Variants in SMYD3 observed in about 807,000 individuals in gnomAD.
SMYD3 encodes the protein histone-lysine N-methyltransferase SMYD3.
SMYD3 carries 36 observed loss-of-function variants against 57.7 expected under a neutral mutation model. The ratio of observed to expected loss-of-function variants is 0.62; its 90% confidence interval spans 0.48 to 0.82. SMYD3 has a LOEUF of 0.82. Among genes scored for constraint, SMYD3 ranks in the 40% least tolerant of loss-of-function variants. The pLI, the probability that SMYD3 is intolerant of heterozygous loss-of-function variation, is 0.00. For synonymous variants in SMYD3, 211 were observed against 195.0 expected (o/e 1.08, Z -0.68); for missense variants, 515 against 538.8 (o/e 0.96, Z 0.44).
chr1:245,972,093 A>G (rs2058316799), intron 5 of SMYD3, among the ~76,000 whole-genome samples: 1 of 152,234 alleles, frequency 6.6e-6, no homozygotes, highest in African/African-American at 2.4e-5. Context: ...TATTCTGACA[A>G]CAGACCATGC....
chr1:246,109,994 T>C (rs1286561900), intron 5 of SMYD3: 1 of 152,244 alleles, frequency 6.6e-6, no homozygotes, highest in Admixed American at 6.5e-5. Flanking sequence ...GCAGTGCTAA[T>C]ACTGGTTAAA....
intron 5 of SMYD3, among the ~76,000 whole-genome samples, chr1:246,225,617 A>G (rs1382250765): frequency 1.3e-5 from 2 of 152,032 alleles, no homozygotes; most frequent in African/African-American, 2.4e-5. Context: ...GAAGTTACGG[A>G]AAGACAGTGT....
At chr1:246,031,602 T>A (rs1459370267) in intron 5 of SMYD3, among the ~76,000 whole-genome samples, 1 of 152,034 alleles carries the variant, frequency 6.6e-6, no homozygotes, top group East Asian at 1.9e-4. Context: ...CCAGGCGTGG[T>A]GGCGGGCGCC....
intron 5 of SMYD3, among the ~76,000 whole-genome samples, chr1:246,314,913 G>T (rs1046850865): frequency 6.6e-6 from 1 of 152,164 alleles, no homozygotes; most frequent in Non-Finnish European, 1.5e-5. Flanking sequence ...ATTGCTGAAA[G>T]GTTGTCTGTA....
At chr1:246,479,365 A>G (rs1223896650) in intron 1 of SMYD3, among the ~76,000 whole-genome samples, 1 of 152,234 alleles carries the variant, frequency 6.6e-6, no homozygotes, top group Non-Finnish European at 1.5e-5. Flanking sequence ...ATGAGTATAA[A>G]AATAGCACTT....
chr1:246,332,261 C>T (rs2065473566), intron 3 of SMYD3, among the ~76,000 whole-genome samples: 1 of 152,194 alleles, frequency 6.6e-6, no homozygotes, highest in South Asian at 2.1e-4. Flanking sequence ...AAGAGCTACT[C>T]CCATGAACAC....
intron 10 of SMYD3, among the ~76,000 whole-genome samples, chr1:245,771,163 T>TAA (rs2046323423): frequency 6.7e-6 from 1 of 149,472 alleles, no homozygotes; most frequent in African/African-American, 2.5e-5. Flanking sequence ...TACATACATA[T>TAA]GGCTGTAATG....
chr1:246,093,999 C>G (rs75810265), intron 5 of SMYD3, among the ~76,000 whole-genome samples: 1 of 151,974 alleles, frequency 6.6e-6, no homozygotes, highest in Non-Finnish European at 1.5e-5. Context: ...ATCCCCTATG[C>G]GGACAGGGGC....
chr1:246,295,970 G>A (rs911907390), intron 5 of SMYD3, among the ~76,000 whole-genome samples: 1 of 152,206 alleles, frequency 6.6e-6, no homozygotes, highest in Non-Finnish European at 1.5e-5. Flanking sequence ...GTTTTGTTCT[G>A]CTGTTGTATG....
intron 1 of SMYD3, among the ~76,000 whole-genome samples, chr1:246,440,599 A>G (rs748488829): frequency 6.6e-6 from 1 of 152,226 alleles, no homozygotes; most frequent in Non-Finnish European, 1.5e-5. Flanking sequence ...CTAGAAGTAT[A>G]TATCTATGAA....
At chr1:246,375,531 G>T (rs9787154) in intron 1 of SMYD3, among the ~76,000 whole-genome samples, 142,791 of 152,074 alleles carry the variant, frequency 0.94, 67,079 homozygotes, top group East Asian at 1. Context: ...CTTCCTCCTT[G>T]TCAGTAAACA....
chr1:246,164,787 T>C (rs1381085376), intron 5 of SMYD3, among the ~76,000 whole-genome samples: 3 of 152,138 alleles, frequency 2.0e-5, no homozygotes, highest in East Asian at 1.9e-4. Context: ...ATGAAAGATT[T>C]TGGGAAGAGT....
At chr1:246,396,167 G>A (rs1467846076) in intron 1 of SMYD3, among the ~76,000 whole-genome samples, 1 of 152,150 alleles carries the variant, frequency 6.6e-6, no homozygotes, top group Non-Finnish European at 1.5e-5. Context: ...TTTACTTTAG[G>A]ATGGAAGTAT....
chr1:246,241,506 G>A (rs2148476605), intron 5 of SMYD3, among the ~76,000 whole-genome samples: 1 of 152,272 alleles, frequency 6.6e-6, no homozygotes, highest in Non-Finnish European at 1.5e-5. Flanking sequence ...GTATTTTATT[G>A]AGGATTTCTG....
intron 5 of SMYD3, among the ~76,000 whole-genome samples, chr1:245,972,991 T>A (rs1354059040): frequency 6.6e-6 from 1 of 152,190 alleles, no homozygotes; most frequent in Non-Finnish European, 1.5e-5. Context: ...ACAAATTGGG[T>A]ACTCAATAAA....
chr1:246,087,591 A>C lies in SMYD3; in HGVS notation c.532-157654T>G, dbSNP rs2060741380. 1.3e-5 allele frequency among the ~76,000 whole-genome samples: 2 copies of C among 152,236 alleles called. 1 individual carries two copies. Among genetic ancestry groups the C allele is most frequent in the Admixed American group, 1.3e-4 (2 of 15,284 alleles). On this transcript the variant is annotated intron_variant, in intron 5 of 11. Transcript: ENST00000490107. Reference sequence around the variant, plus strand: ...TTAGTTGTTTTCCGTGGTATCTATGAAACTTTTTTCTAAACAAATAATGTG... The same window carrying C: ...TTAGTTGTTTTCCGTGGTATCTATGCAACTTTTTTCTAAACAAATAATGTG...
chr1:246,378,847 A>T (rs149644518), intron 1 of SMYD3, among the ~76,000 whole-genome samples: 2 of 116,548 alleles, frequency 1.7e-5, no homozygotes, highest in African/African-American at 3.5e-5. Flanking sequence ...ATTATATATA[A>T]TATATTTATA....
intron 10 of SMYD3, among the ~76,000 whole-genome samples, chr1:245,843,018 A>AT (rs1364166216): frequency 3.3e-5 from 5 of 152,142 alleles, no homozygotes; most frequent in African/African-American, 7.2e-5. Context: ...GCTTATATGT[A>AT]TTTTTTTAAA....
At chr1:246,164,743 T>G (rs1196501833) in intron 5 of SMYD3, among the ~76,000 whole-genome samples, 2 of 152,136 alleles carry the variant, frequency 1.3e-5, no homozygotes, top group Admixed American at 1.3e-4. Context: ...TCTCATGGAG[T>G]TTATGTTCTT....
Sources: gnomAD v4.1 joint callset for allele counts (sites outside exome capture counted in the v4.1 genomes callset) on GRCh38, gnomAD v4.1.1 for gene constraint, MANE v1.5 for transcripts, NCBI Gene and HGNC (gene_info 2026-07-23, HGNC 2026-07-21) for gene names.